SPEN: variants seen among roughly 807,000 people sequenced by gnomAD.
SPEN encodes spen family transcriptional repressor.
A neutral mutation model predicts 269.9 loss-of-function variants in SPEN; 18 were observed. The observed-to-expected ratio is 0.07, with a 90% CI of 0.05 to 0.10. The LOEUF (loss-of-function observed/expected upper bound fraction) is 0.10, where lower values mean the gene tolerates loss of function less well. Ranked by LOEUF, SPEN falls within the 10% of genes least tolerant of loss-of-function variation. SPEN has a pLI of 1.00. For missense variants in SPEN, 3,822 were observed against 4,631.2 expected (o/e 0.83, Z 5.07); for synonymous variants, 1,726 against 1,765.7 (o/e 0.98, Z 0.56).
intron 6 of SPEN, 59 bp from the exon 7 acceptor site, chr1:15,918,867 G>A (rs848201): frequency 0.11 from 160,663 of 1,451,024 alleles, 10,942 homozygotes; most frequent in Admixed American, 0.28. Flanking sequence ...TATGGACTTG[G>A]TTCATTCTAA....
Position 15,939,510 on chromosome 1 carries a change from A to C in SPEN, c.*83A>C, listed in dbSNP as rs564305786. The C allele has an allele frequency of 3.5e-5, 50 of 1,438,324 alleles. No individual in the cohort carries two copies. The East Asian group carries it at 1.0e-3, about 30-fold the overall frequency. The allele number at this position is 1,438,324 out of a possible 1,614,324, so 89.1% of individuals were successfully genotyped here. ...GGACAACCCAGCCAAGCAGAGGAAG[A>C]AGCTGCCGAAGGGGACAGACTCCAC... On this transcript the variant is annotated 3_prime_UTR_variant, in exon 15 of 15. Transcript: ENST00000375759. This position sits in a 1 kb window ranked among gnomAD's most constrained non-coding sequence, Gnocchi z 4.1.
Position 15,870,236 on chromosome 1 carries a change from G to A in SPEN, c.84-2580G>A, listed in dbSNP as rs141280923. ...GGATGGAAAGGTGGAAAAGTAGGCA[G>A]TACACAAAGCCATGGGTAGTTTGAT... On this transcript the variant is annotated intron_variant, in intron 1 of 14. Coordinates refer to ENST00000375759, the MANE Select transcript of SPEN (RefSeq NM_015001.3). 9.2e-5 allele frequency among the ~76,000 whole-genome samples: 14 copies of A among 152,278 alleles called. No homozygotes were observed. The East Asian group carries it at 2.5e-3, about 27-fold the overall frequency.
rs143115042 is a variant in SPEN at position 15,937,333 on chromosome 1, A to C, written c.10197A>C (p.Val3399=). 36 of 1,613,880 alleles carry C rather than the reference A, an allele frequency of 2.2e-5. No individual in the cohort carries two copies. Among genetic ancestry groups the C allele is most frequent in the Non-Finnish European group, 2.9e-5 (34 of 1,180,008 alleles). The change falls in exon 12 of 15, where the codon GTA becomes GTC. Residue 3399 remains valine (V), a synonymous_variant. Transcript: ENST00000375759. This position sits in a 1 kb window ranked among gnomAD's most constrained non-coding sequence, Gnocchi z 5.7. ...SQEAKGTQTG[V]EQPRLPAGPA... ...AGGCAAAGGGGACCCAGACGGGAGT[A>C]GAGCAGCCTCGCCTCCCAGCTGGAC...
chr1:15,882,216 C>T (rs941180131), intron 3 of SPEN, among the ~76,000 whole-genome samples: 17 of 152,126 alleles, frequency 1.1e-4, no homozygotes, highest in African/African-American at 3.6e-4. Flanking sequence ...CTGTCATGGC[C>T]GTTTATTGAG....
chr1:15,860,073 G>A (rs899892150), intron 1 of SPEN, among the ~76,000 whole-genome samples: 6 of 151,276 alleles, frequency 4.0e-5, no homozygotes, highest in South Asian at 4.2e-4. Context: ...CACCACACCC[G>A]GCTAATTTTT....
intron 3 of SPEN, among the ~76,000 whole-genome samples, chr1:15,899,107 A>G (rs1210661869): frequency 2.6e-5 from 4 of 151,994 alleles, no homozygotes; most frequent in East Asian, 1.9e-4. Flanking sequence ...TGGCTGTACC[A>G]TTTTACTTTC....
chr1:15,901,307 C>T (rs2148724056), intron 3 of SPEN, among the ~76,000 whole-genome samples: 1 of 149,464 alleles, frequency 6.7e-6, no homozygotes, highest in South Asian at 2.1e-4. Context: ...AGAGTAGAGA[C>T]TCTGTCTGGT....
Position 15,935,578 on chromosome 1 carries a change from G to T in SPEN, c.9338G>T (p.Arg3113Leu). The change falls in exon 11 of 15, where the codon CGG becomes CTG. Residue 3113 changes from arginine (R) to leucine (L), a missense_variant. Arg to Leu is a moderately radical substitution (Grantham distance 102, BLOSUM62 -2). This residue lies in a region of SPEN where 153 missense variants were observed against 228.5 expected (regional missense o/e 0.67). Transcript: ENST00000375759. This position sits in a 1 kb window ranked among gnomAD's most constrained non-coding sequence, Gnocchi z 7.7. ...PTLPSITYSI[R>L]PEALHSPRAP... The stretch of plus-strand genomic sequence containing the variant: ...CTGCCCAGTATCACCTACAGCATCC[G>T]GCCAGAAGCGCTTCACTCTCCTCGG... 6.2e-7 allele frequency: 1 copy of T among 1,614,032 alleles called. No individual in the cohort carries two copies. Among genetic ancestry groups the T allele is most frequent in the East Asian group, 2.2e-5 (1 of 44,860 alleles).
chr1:15,849,220 A>G (rs902357868), intron 1 of SPEN, among the ~76,000 whole-genome samples: 2 of 152,164 alleles, frequency 1.3e-5, no homozygotes, highest in African/African-American at 4.8e-5. Context: ...GTTTATTCCG[A>G]TATTTAAGAC....
Position 15,939,171 on chromosome 1 carries a change from A to G in SPEN, c.10864-125A>G. ...CTTCCAGTAGACATAGTCCTGGCAC[A>G]TTTGCTGGTTGGGGACTGATTTGGC... On this transcript the variant is annotated intron_variant, in intron 14 of 14. Transcript: ENST00000375759. The surrounding 1 kb of genome is among the most constrained non-coding windows in gnomAD (Gnocchi z 4.1). 2.3e-6 allele frequency: 3 copies of G among 1,332,530 alleles called. No individual in the cohort carries two copies. In the South Asian group the frequency reaches 4.6e-5, roughly 20 times the overall value. The allele number at this position is 1,332,530 out of a possible 1,614,324, so 82.5% of individuals were successfully genotyped here. A position where few individuals can be genotyped will look rare whatever the true frequency, so the allele number is the denominator to read the frequency against.
At chr1:15,919,194 C>T (rs2071093679) in intron 7 of SPEN, 143 bp downstream of exon 7, 3 of 783,956 alleles carry the variant, frequency 3.8e-6, no homozygotes, top group Admixed American at 6.3e-5. Context: ...TCTTTGCATT[C>T]CTATCCTATT....
At chr1:15,923,777 C>T (rs981920313) in intron 10 of SPEN, among the ~76,000 whole-genome samples, 1 of 151,434 alleles carries the variant, frequency 6.6e-6, no homozygotes, top group African/African-American at 2.4e-5. Flanking sequence ...TCAAGCGATT[C>T]TCCTGCCTCA....
rs2071143085 is a variant in SPEN at position 15,923,981 on chromosome 1, TA to T, written c.1850+1635del. 2.0e-5 allele frequency among the ~76,000 whole-genome samples: 3 copies of T among 152,320 alleles called. No individual in the cohort carries two copies. In the East Asian group the frequency reaches 5.8e-4, roughly 29 times the overall value. On this transcript the variant is annotated intron_variant, in intron 10 of 14. Transcript: ENST00000375759. ...CCGCACCCGGCCTACCTGGTGTTTT[TA>T]AATGAAAAATGCTCCCTACGGCCAA...
chr1:15,873,941 C>G lies in SPEN; in HGVS notation c.404+805C>G, dbSNP rs538292880. ...TGCTGTCCAATCAAAGGTACTTTAG[C>G]TTTGAACACATGGTGATGATCAGTT... On this transcript the variant is annotated intron_variant, in intron 2 of 14. Coordinates refer to ENST00000375759, the MANE Select transcript of SPEN (RefSeq NM_015001.3). 5.1e-6 allele frequency: 6 copies of G among 1,172,330 alleles called. No homozygotes were observed. In the African/African-American group the frequency reaches 9.6e-5, roughly 19 times the overall value. 72.6% of individuals were successfully genotyped at this position (1,172,330 alleles called of 1,614,324 possible). A position where few individuals can be genotyped will look rare whatever the true frequency, so the allele number is the denominator to read the frequency against.
At chr1:15,869,580 GTATTTATTTATT>G (rs139016154) in intron 1 of SPEN, among the ~76,000 whole-genome samples, 11 of 146,082 alleles carry the variant, frequency 7.5e-5, no homozygotes, top group East Asian at 4.0e-4. Context: ...TGTCTCTACT[GTATTTATTTATT>G]TATTTATTTA....
rs1469655303 is a variant in SPEN, at chr1:15,909,248, T to A, written c.882-73T>A. 4 of 1,515,178 alleles carry A rather than the reference T, an allele frequency of 2.6e-6. No individual in the cohort carries two copies. In the Admixed American group the frequency reaches 6.4e-5, roughly 24 times the overall value. 93.9% of individuals were successfully genotyped at this position (1,515,178 alleles called of 1,614,324 possible). ...GAAAATTTAGACCTATTAGTTATTT[T>A]AAGAAGTTTTCTAATGCTGCTCATT... On this transcript the variant is annotated intron_variant, in intron 3 of 14. Coordinates refer to ENST00000375759, the MANE Select transcript of SPEN (RefSeq NM_015001.3).
chr1:15,910,822 C>T (rs537667182), intron 4 of SPEN, among the ~76,000 whole-genome samples: 3 of 151,998 alleles, frequency 2.0e-5, no homozygotes, highest in South Asian at 2.1e-4. Context: ...ATCTCGAAAC[C>T]GTGTTTTTAG....
Position 15,928,351 on chromosome 1 carries a change from G to C in SPEN, c.2111G>C (p.Arg704Thr). 1 of 1,614,220 alleles carries C rather than the reference G, an allele frequency of 6.2e-7. No homozygotes were observed. Residue 704 changes from arginine (R) to threonine (T), a missense_variant, in exon 11 of 15, where the codon AGA (arginine) becomes ACA (threonine). Transcript: ENST00000375759. This position sits in a 1 kb window ranked among gnomAD's most constrained non-coding sequence, Gnocchi z 5.7. ...EYSYRQRERE[R>T]ERERFESDRD... Reference sequence around the variant, plus strand: ...AGTTACAGGCAAAGGGAACGAGAAAGAGAACGTGAAAGATTTGAGTCTGAC... The same window carrying C: ...AGTTACAGGCAAAGGGAACGAGAAACAGAACGTGAAAGATTTGAGTCTGAC...
At chr1:15,856,829 A>G (rs955764878) in intron 1 of SPEN, among the ~76,000 whole-genome samples, 2 of 151,974 alleles carry the variant, frequency 1.3e-5, no homozygotes, top group Admixed American at 6.6e-5. Context: ...CGACTTTACA[A>G]TGTGCTGGGA....
Sources: gnomAD v4.1 joint callset for allele counts (sites outside exome capture counted in the v4.1 genomes callset) on GRCh38, gnomAD v4.1.1 for gene constraint, gnomAD v4.1.1 regional missense constraint, Gnocchi (gnomAD v3.1) non-coding constraint, MANE v1.5 for transcripts, NCBI Gene and HGNC (gene_info 2026-07-23, HGNC 2026-07-21) for gene names.